Variants in TSEN2 observed in about 807,000 individuals in gnomAD.
TSEN2 encodes the protein tRNA splicing endonuclease subunit 2, also known as tRNA-splicing endonuclease subunit Sen2.
A neutral mutation model predicts 59.2 loss-of-function variants in TSEN2; 54 were observed. The observed-to-expected ratio is 0.91, with a 90% CI of 0.73 to 1.14. The LOEUF is 1.14. TSEN2 is among the 50% of genes most tolerant of loss of function. TSEN2 has a pLI of 0.00. For synonymous variants in TSEN2, 195 were observed against 198.2 expected, an observed-to-expected ratio of 0.98 and a Z score of 0.14; for missense variants, 636 against 576.2, an observed-to-expected ratio of 1.10 and a Z score of -1.06.
At chr3:12,519,828 T>A (rs893816281) in intron 8 of TSEN2, among the ~76,000 whole-genome samples, 1 of 152,162 alleles carries the variant, frequency 6.6e-6, no homozygotes, top group African/African-American at 2.4e-5. Context: ...GGAGAGTCCC[T>A]TATCCCCGGG....
chr3:12,537,505 C>A (rs1342849260), downstream of TSEN2, among the ~76,000 whole-genome samples: 4 of 152,158 alleles, frequency 2.6e-5, 1 homozygote, highest in East Asian at 5.8e-4. Context: ...TTATTGTTTA[C>A]CTCCTTTCCA....
At chr3:12,524,466 G>A (rs377262569) in intron 8 of TSEN2, among the ~76,000 whole-genome samples, 7 of 152,096 alleles carry the variant, frequency 4.6e-5, no homozygotes, top group African/African-American at 7.2e-5. Flanking sequence ...GGCCCCAGGC[G>A]TTTTGTGGCT....
chr3:12,500,948 T>G (rs2054225593), intron 4 of TSEN2, among the ~76,000 whole-genome samples: 1 of 152,224 alleles, frequency 6.6e-6, no homozygotes, highest in African/African-American at 2.4e-5. Flanking sequence ...AAATCAGTGG[T>G]TCTGTCACGT....
chr3:12,508,138 G>A (rs1324871514), intron 6 of TSEN2, among the ~76,000 whole-genome samples: 2 of 152,184 alleles, frequency 1.3e-5, no homozygotes, highest in Non-Finnish European at 2.9e-5. Flanking sequence ...GGTGGCAGCT[G>A]TAGGCGAAGG....
intron 10 of TSEN2, 82 bp downstream of exon 10, chr3:12,529,955 A>T: frequency 6.4e-7 from 1 of 1,562,026 alleles, no homozygotes; most frequent in East Asian, 2.3e-5. Flanking sequence ...GTAGAATCAA[A>T]AAAGTTAGTT....
chr3:12,524,868 A>C (rs146741228), intron 8 of TSEN2, among the ~76,000 whole-genome samples: 77 of 150,860 alleles, frequency 5.1e-4, no homozygotes, highest in African/African-American at 1.6e-3. Flanking sequence ...TCAGCCTCCT[A>C]AGTAGCTGGG....
At chr3:12,495,375 A>G (rs2053648628) in intron 3 of TSEN2, among the ~76,000 whole-genome samples, 1 of 152,074 alleles carries the variant, frequency 6.6e-6, no homozygotes, top group African/African-American at 2.4e-5. Flanking sequence ...AACTACAGGC[A>G]CATGCCATCG....
At position 12,485,928 on chromosome 3, in the gene TSEN2, T is replaced by C. The variant is rs183545265; in HGVS notation, c.-18+1048T>C. On this transcript the variant is annotated intron_variant, in intron 1 of 11. Coordinates refer to ENST00000284995, the MANE Select transcript of TSEN2 (RefSeq NM_025265.4). ...GATTCAACCAATGTTGCATCAAAAA[T>C]ATTTGGAAAAAGAAATTTAAAAATA... Among the ~76,000 whole-genome samples the C allele has an allele frequency of 6.0e-5, 9 of 151,244 alleles. No individual in the cohort carries two copies. In the East Asian group the frequency reaches 1.3e-3, roughly 23 times the overall value.
At chr3:12,495,422 G>T (rs1031504450) in intron 3 of TSEN2, among the ~76,000 whole-genome samples, 1 of 152,038 alleles carries the variant, frequency 6.6e-6, no homozygotes, top group Non-Finnish European at 1.5e-5. Flanking sequence ...TAGAGACAGG[G>T]TTTCACCATG....
chr3:12,530,047 T>G (rs991505730), intron 10 of TSEN2, 174 bp downstream of exon 10: 2 of 1,442,718 alleles, frequency 1.4e-6, no homozygotes, highest in Non-Finnish European at 1.8e-6. Context: ...GCGCTAGAAG[T>G]TGTCCTCCCC....
At chr3:12,484,389 G>T (rs545332888), upstream of TSEN2, 1 of 152,274 alleles carries the variant, frequency 6.6e-6, no homozygotes, top group Non-Finnish European at 1.5e-5. Context: ...GGCGCACTCC[G>T]CCAAGTCCCG....
At chr3:12,511,639 T>C (rs1273005314) in intron 6 of TSEN2, among the ~76,000 whole-genome samples, 5 of 151,028 alleles carry the variant, frequency 3.3e-5, no homozygotes, top group African/African-American at 1.2e-4. Context: ...CAATATTGGC[T>C]CACTGCAGCC....
At chr3:12,505,072 A>C (rs2054669856) in intron 5 of TSEN2, 82 bp from the exon 6 acceptor site, 2 of 866,508 alleles carry the variant, frequency 2.3e-6, no homozygotes, top group Non-Finnish European at 3.9e-6. Context: ...ATTTATAAGA[A>C]AAATGTTCAT....
At chr3:12,502,845 G>A (rs961787359) in intron 4 of TSEN2, among the ~76,000 whole-genome samples, 2 of 151,926 alleles carry the variant, frequency 1.3e-5, no homozygotes, top group African/African-American at 4.8e-5. Context: ...AGGCCAAGGC[G>A]GGCGGATCGT....
chr3:12,531,791 TA>T (rs1222147328), intron 11 of TSEN2, 132 bp downstream of exon 11: 2 of 697,320 alleles, frequency 2.9e-6, no homozygotes, highest in African/African-American at 3.5e-5. Context: ...GGCAGGCTCT[TA>T]AGTCTCTCAC....
rs370842019 is a variant in TSEN2, at chr3:12,498,873, G to A, written c.308+2319G>A. On this transcript the variant is annotated intron_variant, in intron 4 of 11. Coordinates refer to ENST00000284995, the MANE Select transcript of TSEN2 (RefSeq NM_025265.4). ...AATTTTGCTAAATATAAGAAAAATTGATGCATGTTCATATTTTTAGATTAA... is the reference window on the plus strand; with the variant it reads ...AATTTTGCTAAATATAAGAAAAATTAATGCATGTTCATATTTTTAGATTAA... Among the ~76,000 whole-genome samples, 16 of 152,236 alleles carry A rather than the reference G, an allele frequency of 1.1e-4. 1 individual carries two copies. The highest frequency in any genetic ancestry group is 7.8e-4 in the Admixed American group (12 of 15,292).
At chr3:12,505,019 T>C (rs2054662443) in intron 5 of TSEN2, 135 bp from the exon 6 acceptor site, 1 of 686,620 alleles carries the variant, frequency 1.5e-6, no homozygotes, top group East Asian at 2.8e-5. Flanking sequence ...TGTGTTTTAA[T>C]CATTCTTTAT....
At chr3:12,488,393 A>G (rs73140728) in intron 1 of TSEN2, among the ~76,000 whole-genome samples, 275 of 152,350 alleles carry the variant, frequency 1.8e-3, no homozygotes, top group African/African-American at 6.2e-3. Flanking sequence ...CTGGGGGAGC[A>G]GCAGATTCAA....
At chr3:12,517,654 T>A (rs1433945194) in intron 7 of TSEN2, among the ~76,000 whole-genome samples, 1 of 152,228 alleles carries the variant, frequency 6.6e-6, no homozygotes, top group Non-Finnish European at 1.5e-5. Context: ...AAATTCTGAT[T>A]GCATAAATAC....
Sources: gnomAD v4.1 joint callset for allele counts (sites outside exome capture counted in the v4.1 genomes callset) on GRCh38, gnomAD v4.1.1 for gene constraint, MANE v1.5 for transcripts, NCBI Gene and HGNC (gene_info 2026-07-23, HGNC 2026-07-21) for gene names.